The following KLHL3 variants were observed in gnomAD, a reference collection of about 807,000 sequenced individuals.
The protein encoded by KLHL3 is kelch-like protein 3.
A neutral mutation model predicts 70.5 loss-of-function variants in KLHL3; 19 were observed. That is an observed-to-expected ratio of 0.27 (90% CI 0.19 to 0.40). The LOEUF is 0.40. KLHL3 is among the 10% of genes least tolerant of loss of function. The pLI, the probability that KLHL3 is intolerant of heterozygous loss-of-function variation, is 1.00. For missense variants in KLHL3, 512 were observed against 771.1 expected (o/e 0.66, Z 3.98); for synonymous variants, 258 against 290.3 (o/e 0.89, Z 1.13).
chr5:137,677,730 G>T (rs1751920839), intron 5 of KLHL3, 76 bp from the exon 6 acceptor site: 1 of 918,588 alleles, frequency 1.1e-6, no homozygotes, highest in Non-Finnish European at 1.6e-6. Flanking sequence ...ACAATCTGTG[G>T]GATTCACAGT....
intron 1 of KLHL3, among the ~76,000 whole-genome samples, chr5:137,726,594 A>C (rs1483498285): frequency 1.3e-5 from 2 of 152,162 alleles, no homozygotes; most frequent in Non-Finnish European, 2.9e-5. Flanking sequence ...CAACTGGCAC[A>C]TAGAATTCTG....
chr5:137,632,974 T>C (rs1462904984), intron 12 of KLHL3, among the ~76,000 whole-genome samples: 1 of 152,142 alleles, frequency 6.6e-6, no homozygotes, highest in Non-Finnish European at 1.5e-5. Flanking sequence ...ATCTTACAGA[T>C]GGCTATTACT....
chr5:137,684,719 A>C (rs2149912161), intron 5 of KLHL3, among the ~76,000 whole-genome samples: 1 of 152,336 alleles, frequency 6.6e-6, no homozygotes, highest in Admixed American at 6.5e-5. Context: ...TTAAAGATTA[A>C]GCAGTCCCTG....
intron 13 of KLHL3, among the ~76,000 whole-genome samples, chr5:137,626,726 A>G (rs1375742279): frequency 2.0e-5 from 3 of 152,224 alleles, no homozygotes; most frequent in African/African-American, 7.2e-5. Flanking sequence ...ACTTCTGGCC[A>G]GGCACAGTGG....
At chr5:137,723,445 C>T (rs1313328438) in intron 1 of KLHL3, among the ~76,000 whole-genome samples, 5 of 152,098 alleles carry the variant, frequency 3.3e-5, no homozygotes, top group Non-Finnish European at 7.4e-5. Context: ...TGTATGAAGA[C>T]CTTACACGTT....
At chr5:137,698,631 CTCTA>C (rs1193704310) in intron 3 of KLHL3, among the ~76,000 whole-genome samples, 2 of 152,204 alleles carry the variant, frequency 1.3e-5, no homozygotes, top group Non-Finnish European at 2.9e-5. Flanking sequence ...GCATTCCTTA[CTCTA>C]TCTATTGCCC....
intron 6 of KLHL3, among the ~76,000 whole-genome samples, chr5:137,670,029 G>A (rs1336721877): frequency 3.3e-5 from 5 of 152,170 alleles, no homozygotes; most frequent in Non-Finnish European, 2.9e-5. Context: ...CATGTGCTAT[G>A]AGTAAGGGGA....
Position 137,634,017 on chromosome 5 carries a change from A to T in KLHL3, c.1450+20T>A. The T allele has an allele frequency of 1.2e-6, 2 of 1,613,988 alleles. No homozygotes were observed. The highest frequency in any genetic ancestry group is 1.7e-6 in the Non-Finnish European group (2 of 1,180,020). ...TGTGAGCAAATCAGACACAGCCAGC[A>T]CCCCGAGGTTCTCCCATACCTGCGC... On this transcript the variant is annotated intron_variant, in intron 12 of 14. Transcript: ENST00000309755.
Position 137,692,397 on chromosome 5 carries a change from G to A in KLHL3, c.414C>T (p.Asn138=). The A allele has an allele frequency of 1.2e-6, 2 of 1,614,068 alleles. No individual in the cohort carries two copies. Among genetic ancestry groups the A allele is most frequent in the Non-Finnish European group, 8.5e-7 (1 of 1,180,028 alleles). Residue 138 remains asparagine (N), a synonymous_variant, in exon 5 of 15, where the codon AAC becomes AAT. Transcript: ENST00000309755. The stretch of plus-strand genomic sequence containing the variant: ...ACTGAGACTGCAGGAAGTCACAGCA[G>A]TTCTGCCGAACATCCATGAGCTGCA... ...SLLQLMDVRQ[N]CCDFLQSQLH...
rs1180683826 is a variant in KLHL3, at chr5:137,700,686, G to T, written c.242-2278C>A. ...GAGACTTCTCCTTGCTCCTTTACAT[G>T]ACCCTCAAATTTCTAATTTTCTATA... is the stretch of plus-strand genomic sequence containing the variant. On this transcript the variant is annotated intron_variant, in intron 3 of 14. Transcript: ENST00000309755. Among the ~76,000 whole-genome samples the T allele has an allele frequency of 3.3e-5, 5 of 152,162 alleles. No individual in the cohort carries two copies. In the East Asian group the frequency reaches 9.6e-4, roughly 29 times the overall value.
rs141023506 is a variant in KLHL3 at position 137,656,563 on chromosome 5, A to C, written c.903+1568T>G. On this transcript the variant is annotated intron_variant, in intron 8 of 14. Transcript: ENST00000309755. ...ATCCTTTTAATAATCCACAATAAGC[A>C]CATATGTCTATAATTAAAGAAAGCT... Among the ~76,000 whole-genome samples, 956 of 152,370 alleles carry C rather than the reference A, an allele frequency of 6.3e-3. 6 individuals carry two copies. Among genetic ancestry groups the C allele is most frequent in the Middle Eastern group, 0.02 (6 of 294 alleles).
intron 8 of KLHL3, among the ~76,000 whole-genome samples, chr5:137,649,375 G>C (rs894889809): frequency 6.6e-6 from 1 of 152,226 alleles, no homozygotes; most frequent in Non-Finnish European, 1.5e-5. Context: ...CTCTCTGGAA[G>C]AAAGCCAGCA....
chr5:137,702,312 T>C (rs1205709327), intron 3 of KLHL3, among the ~76,000 whole-genome samples: 16 of 152,158 alleles, frequency 1.1e-4, no homozygotes, highest in Non-Finnish European at 2.4e-4. Context: ...GATTGATGCA[T>C]AATGGTTAAG....
rs184766700 is a variant in KLHL3 at position 137,651,021 on chromosome 5, G to A, written c.903+7110C>T. 5.9e-5 allele frequency among the ~76,000 whole-genome samples: 9 copies of A among 152,248 alleles called. No individual in the cohort carries two copies. The East Asian group carries it at 1.7e-3, about 29-fold the overall frequency. ...CATTCTAGGGTCAACCTACATTAGT[G>A]GTCAAAGGAGGATATAAAGTAGGAT... On this transcript the variant is annotated intron_variant, in intron 8 of 14. Coordinates refer to ENST00000309755, the MANE Select transcript of KLHL3 (RefSeq NM_017415.3).
At chr5:137,734,069 A>G (rs1753223060) in intron 1 of KLHL3, among the ~76,000 whole-genome samples, 1 of 152,232 alleles carries the variant, frequency 6.6e-6, no homozygotes, top group Admixed American at 6.5e-5. Flanking sequence ...AGGACTCACT[A>G]TATTTCTGAA....
chr5:137,646,011 G>A (rs535001610), intron 8 of KLHL3, among the ~76,000 whole-genome samples: 30 of 152,144 alleles, frequency 2.0e-4, no homozygotes, highest in South Asian at 1.5e-3. Flanking sequence ...ACTGATTTTC[G>A]ACAAACATGC....
intron 12 of KLHL3, among the ~76,000 whole-genome samples, chr5:137,633,254 G>C (rs1750683702): frequency 8.0e-6 from 1 of 125,710 alleles, no homozygotes; most frequent in Non-Finnish European, 1.6e-5. Flanking sequence ...ACTCTAGCCT[G>C]GGCAACAGAG....
At position 137,617,655 on chromosome 5, in the gene KLHL3, G is replaced by A. The variant is rs1375796464; in HGVS notation, c.*4443C>T. 6.6e-6 allele frequency: 1 copy of A among 152,162 alleles called. No individual in the cohort carries two copies. Among genetic ancestry groups the A allele is most frequent in the Non-Finnish European group, 1.5e-5 (1 of 68,040 alleles). 9.4% of individuals were successfully genotyped at this position (152,162 alleles called of 1,614,324 possible). ...TTTACAAGATATACAGTCCCTAACA[G>A]CCACGCAGAGAACACCAGATCGAGG... On this transcript the variant is annotated 3_prime_UTR_variant, in exon 15 of 15. Transcript: ENST00000309755.
At chr5:137,634,755 T>A (rs1750726475) in intron 11 of KLHL3, among the ~76,000 whole-genome samples, 1 of 152,208 alleles carries the variant, frequency 6.6e-6, no homozygotes, top group Non-Finnish European at 1.5e-5. Context: ...TACCCTGTGA[T>A]CTCTGAGCCA....
Sources: gnomAD v4.1 joint callset for allele counts (sites outside exome capture counted in the v4.1 genomes callset) on GRCh38, gnomAD v4.1.1 for gene constraint, MANE v1.5 for transcripts, NCBI Gene and HGNC (gene_info 2026-07-23, HGNC 2026-07-21) for gene names.